NRG3: variants seen among roughly 807,000 people sequenced by gnomAD.
NRG3 encodes pro-neuregulin-3, membrane-bound isoform.
A neutral mutation model predicts 66.9 loss-of-function variants in NRG3; 31 were observed. The ratio of observed to expected loss-of-function variants is 0.46; its 90% CI spans 0.35 to 0.63. The LOEUF (loss-of-function observed/expected upper bound fraction) is 0.63. Ranked by LOEUF, NRG3 falls within the 20% of genes least tolerant of loss-of-function variation. NRG3 has a pLI of 0.00. For synonymous variants in NRG3, 393 were observed against 359.4 expected (o/e 1.09, Z -1.06); for missense variants, 910 against 878.9 (o/e 1.04, Z -0.45).
chr10:82,500,855 A>C (rs1056237113), intron 2 of NRG3, among the ~76,000 whole-genome samples: 1 of 152,172 alleles, frequency 6.6e-6, no homozygotes, highest in Non-Finnish European at 1.5e-5. Context: ...CTCGGGTATC[A>C]ACAATAAGCC....
chr10:82,666,450 T>C (rs192228747), intron 2 of NRG3, among the ~76,000 whole-genome samples: 2 of 152,324 alleles, frequency 1.3e-5, no homozygotes, highest in Admixed American at 6.5e-5. Flanking sequence ...TGAGACCCTA[T>C]TCCCATCAGG....
At chr10:82,048,432 A>G (rs2063419044) in intron 1 of NRG3, among the ~76,000 whole-genome samples, 1 of 152,172 alleles carries the variant, frequency 6.6e-6, no homozygotes, top group South Asian at 2.1e-4. Flanking sequence ...ACTAGAACTC[A>G]GGATTAAGAG....
chr10:82,527,916 A>AG (rs1219098549), intron 2 of NRG3, among the ~76,000 whole-genome samples: 1 of 135,384 alleles, frequency 7.4e-6, no homozygotes, highest in African/African-American at 2.7e-5. Context: ...CATTTGGACT[A>AG]GATAATGCTT....
intron 2 of NRG3, among the ~76,000 whole-genome samples, chr10:82,508,621 T>C (rs1844890758): frequency 6.6e-6 from 1 of 152,210 alleles, no homozygotes; most frequent in Non-Finnish European, 1.5e-5. Flanking sequence ...TGTGCACAGA[T>C]CTGCATTTAG....
At chr10:82,662,458 G>A (rs1406986853) in intron 2 of NRG3, among the ~76,000 whole-genome samples, 1 of 149,420 alleles carries the variant, frequency 6.7e-6, no homozygotes, top group Non-Finnish European at 1.5e-5. Flanking sequence ...AAGATGCTTA[G>A]ACACAAAGAG....
chr10:82,698,795 G>A (rs2055605577), intron 2 of NRG3, among the ~76,000 whole-genome samples: 1 of 96,042 alleles, frequency 1.0e-5, no homozygotes, highest in Non-Finnish European at 2.7e-5. Flanking sequence ...AGTATGCAAT[G>A]TATTTGCGTC....
intron 1 of NRG3, among the ~76,000 whole-genome samples, chr10:82,296,969 T>G (rs1456594212): frequency 2.0e-5 from 3 of 152,186 alleles, no homozygotes; most frequent in African/African-American, 7.2e-5. Flanking sequence ...CATTGTCTAT[T>G]GTTTTCACCT....
intron 1 of NRG3, among the ~76,000 whole-genome samples, chr10:82,272,720 T>C (rs1001936448): frequency 6.6e-6 from 1 of 152,108 alleles, no homozygotes; most frequent in Non-Finnish European, 1.5e-5. Context: ...TAATTTTCAG[T>C]GTGGCCCTGA....
chr10:82,015,357 A>C (rs1462464272), intron 1 of NRG3, among the ~76,000 whole-genome samples: 1 of 152,208 alleles, frequency 6.6e-6, no homozygotes, highest in African/African-American at 2.4e-5. Flanking sequence ...TTCATACTTC[A>C]AAATAGAATT....
At chr10:82,046,407 T>C (rs376903943) in intron 1 of NRG3, among the ~76,000 whole-genome samples, 2 of 56,770 alleles carry the variant, frequency 3.5e-5, no homozygotes, top group Non-Finnish European at 9.6e-5. Flanking sequence ...GTGATTTTTG[T>C]ACATTGATTT....
chr10:82,740,624 G>A (rs949199960), intron 3 of NRG3, among the ~76,000 whole-genome samples: 1 of 152,024 alleles, frequency 6.6e-6, no homozygotes, highest in Non-Finnish European at 1.5e-5. Flanking sequence ...AGGAGTTTGA[G>A]ACCAGCCTGG....
chr10:81,896,660 C>CT (rs11384260), intron 1 of NRG3, among the ~76,000 whole-genome samples: 41,368 of 140,114 alleles, frequency 0.3, 7,210 homozygotes, highest in East Asian at 0.48. Context: ...GAATCTAGGG[C>CT]TTTTTTTTTT....
At chr10:82,377,466 G>GCGCA (rs1554900460) in intron 2 of NRG3, among the ~76,000 whole-genome samples, 14 of 151,876 alleles carry the variant, frequency 9.2e-5, no homozygotes, top group African/African-American at 2.2e-4. Flanking sequence ...GTGCGCGAGC[G>GCGCA]CACATGCGTG....
intron 2 of NRG3, among the ~76,000 whole-genome samples, chr10:82,566,968 G>C (rs1232176635): frequency 6.6e-6 from 1 of 151,828 alleles, no homozygotes; most frequent in African/African-American, 2.4e-5. Context: ...TATTCATGTA[G>C]AGTTGCTGTA....
intron 2 of NRG3, among the ~76,000 whole-genome samples, chr10:82,363,164 TA>T (rs149098664): frequency 0.011 from 1,708 of 152,160 alleles, 12 homozygotes; most frequent in Non-Finnish European, 0.018. Flanking sequence ...AACATTAAAA[TA>T]AAAGCTCAAT....
intron 2 of NRG3, among the ~76,000 whole-genome samples, chr10:82,597,112 T>G (rs1220640409): frequency 6.6e-6 from 1 of 152,076 alleles, no homozygotes; most frequent in Non-Finnish European, 1.5e-5. Flanking sequence ...AAACCCTAAT[T>G]TAAAGAAGTA....
At chr10:82,580,483 A>T (rs887072736) in intron 2 of NRG3, among the ~76,000 whole-genome samples, 7 of 151,990 alleles carry the variant, frequency 4.6e-5, no homozygotes, top group African/African-American at 1.4e-4. Context: ...GATGTCATGT[A>T]TCCACCATCA....
At chr10:82,478,231 C>CTT (rs1210990084) in intron 2 of NRG3, among the ~76,000 whole-genome samples, 3 of 18,150 alleles carry the variant, frequency 1.7e-4, no homozygotes, top group African/African-American at 3.7e-4. Context: ...TTGTGTCACT[C>CTT]TTTTTTTTTT....
chr10:82,820,615 C>A (rs549640325), intron 3 of NRG3, among the ~76,000 whole-genome samples: 1 of 152,192 alleles, frequency 6.6e-6, no homozygotes, highest in East Asian at 1.9e-4. Context: ...CCATTTAAAT[C>A]AAAGCCCTTT....
Sources: gnomAD v4.1 joint callset for allele counts (sites outside exome capture counted in the v4.1 genomes callset) on GRCh38, gnomAD v4.1.1 for gene constraint, MANE v1.5 for transcripts, NCBI Gene and HGNC (gene_info 2026-07-23, HGNC 2026-07-21) for gene names.